SUGCT: variants seen among roughly 807,000 people sequenced by gnomAD.
SUGCT encodes succinyl-CoA:glutarate-CoA transferase.
Under a neutral mutation model 55.0 loss-of-function variants are expected in SUGCT, and 41 were observed. The observed-to-expected ratio is 0.74, with a 90% confidence interval of 0.58 to 0.97. The LOEUF is 0.97. SUGCT is among the 50% of genes least tolerant of loss of function. The pLI is 0.00. For synonymous variants in SUGCT, 187 were observed against 200.4 expected, an observed-to-expected ratio of 0.93 and a Z score of 0.56; for missense variants, 568 against 547.8, an observed-to-expected ratio of 1.04 and a Z score of -0.37.
the SUGCT span, among the ~76,000 whole-genome samples, chr7:40,899,493 C>T: frequency 2.0e-5 from 3 of 152,100 alleles, no homozygotes; most frequent in South Asian, 6.2e-4. Flanking sequence ...GCAACGCACA[C>T]GCTGAGACAG....
the SUGCT span, among the ~76,000 whole-genome samples, chr7:40,934,681 G>T: frequency 2.2e-3 from 328 of 149,666 alleles, 1 homozygote; most frequent in African/African-American, 6.9e-3. Flanking sequence ...GCTGCAGCTT[G>T]CAGGTCGATC....
chr7:40,935,222 AGTCTGTCT>A, the SUGCT span, among the ~76,000 whole-genome samples: 1 of 152,198 alleles, frequency 6.6e-6, no homozygotes, highest in Non-Finnish European at 1.5e-5. Context: ...TAATTTTGGC[AGTCTGTCT>A]AATTTTTTAA....
intron 13 of SUGCT, among the ~76,000 whole-genome samples, chr7:40,755,970 G>C (rs1788233423): frequency 6.6e-6 from 1 of 152,156 alleles, no homozygotes; most frequent in Admixed American, 6.5e-5. Flanking sequence ...TAACTAGTGG[G>C]TGTTGGATGC....
intron 9 of SUGCT, among the ~76,000 whole-genome samples, chr7:40,413,389 A>G (rs1178358227): frequency 1.3e-5 from 2 of 152,158 alleles, no homozygotes; most frequent in African/African-American, 4.8e-5. Context: ...CCCTACTTCA[A>G]TGGGGAAAGT....
the SUGCT span, among the ~76,000 whole-genome samples, chr7:41,009,766 G>C: frequency 6.6e-6 from 1 of 152,126 alleles, no homozygotes. Context: ...AAAAGCTATA[G>C]TACAATGTTT....
chr7:40,540,461 A>G (rs1487976394), intron 12 of SUGCT, among the ~76,000 whole-genome samples: 3 of 152,234 alleles, frequency 2.0e-5, no homozygotes, highest in African/African-American at 7.2e-5. Context: ...AGCTTTTATG[A>G]TACACATCAA....
At position 40,638,925 on chromosome 7, in the gene SUGCT, A is replaced by G. The variant is rs866521994; in HGVS notation, c.1090-110509A>G. 2.6e-5 allele frequency among the ~76,000 whole-genome samples: 4 copies of G among 152,338 alleles called. 1 individual carries two copies. The Middle Eastern group carries it at 0.014, about 518-fold the overall frequency. The stretch of plus-strand genomic sequence containing the variant: ...TTTAAGAACCCATCCAGTACCTCTA[A>G]TCTAATTATTCTACCTGGCCCTGCT... On this transcript the variant is annotated intron_variant, in intron 12 of 13. Transcript: ENST00000335693.
chr7:40,781,819 C>T (rs1789765845), intron 13 of SUGCT, among the ~76,000 whole-genome samples: 3 of 152,028 alleles, frequency 2.0e-5, no homozygotes, highest in Admixed American at 2.0e-4. Context: ...AATGGTTATC[C>T]CTGTTTTCAT....
chr7:40,386,972 G>A (rs1426371461), intron 9 of SUGCT, among the ~76,000 whole-genome samples: 1 of 152,072 alleles, frequency 6.6e-6, no homozygotes, highest in Non-Finnish European at 1.5e-5. Flanking sequence ...TCACACCAAT[G>A]CAGTGGCTTC....
chr7:40,232,323 G>C (rs1192422554), intron 6 of SUGCT, among the ~76,000 whole-genome samples: 1 of 152,146 alleles, frequency 6.6e-6, no homozygotes, highest in African/African-American at 2.4e-5. Flanking sequence ...TTTGATAATT[G>C]AGGTTCTCCA....
intron 11 of SUGCT, among the ~76,000 whole-genome samples, chr7:40,478,197 G>T (rs1790813820): frequency 6.6e-6 from 1 of 151,932 alleles, no homozygotes; most frequent in Non-Finnish European, 1.5e-5. Flanking sequence ...CCAGAGACAG[G>T]GTCTTGCTTT....
At chr7:40,924,686 A>T in the SUGCT span, among the ~76,000 whole-genome samples, 15 of 152,040 alleles carry the variant, frequency 9.9e-5, no homozygotes, top group African/African-American at 3.6e-4. Flanking sequence ...AGACACTCTT[A>T]AACATGGAGG....
intron 6 of SUGCT, chr7:40,217,667 G>C: frequency 5.1e-6 from 1 of 194,390 alleles, no homozygotes; most frequent in Non-Finnish European, 1.1e-5. Flanking sequence ...TGTAGAAACA[G>C]AAAAGTGGAT....
chr7:41,025,405 T>C, the SUGCT span, among the ~76,000 whole-genome samples: 1 of 152,058 alleles, frequency 6.6e-6, no homozygotes, highest in African/African-American at 2.4e-5. Flanking sequence ...AGTTTCGCTC[T>C]GTCACCCAGG....
At chr7:40,466,131 T>C (rs1790097187) in intron 11 of SUGCT, among the ~76,000 whole-genome samples, 1 of 152,180 alleles carries the variant, frequency 6.6e-6, no homozygotes, top group Admixed American at 6.5e-5. Context: ...GTTCTTGAAC[T>C]CCTGGCCTCA....
chr7:40,582,947 G>A (rs1797182483), intron 12 of SUGCT, among the ~76,000 whole-genome samples: 1 of 152,122 alleles, frequency 6.6e-6, no homozygotes, highest in African/African-American at 2.4e-5. Context: ...ATTTTCATAA[G>A]CAATTTTGGA....
intron 9 of SUGCT, among the ~76,000 whole-genome samples, chr7:40,349,924 A>G (rs1797526244): frequency 6.6e-6 from 1 of 152,110 alleles, no homozygotes; most frequent in East Asian, 1.9e-4. Flanking sequence ...TTGAGCTCAA[A>G]CAATCCTCCT....
chr7:40,974,484 A>G, the SUGCT span, among the ~76,000 whole-genome samples: 1 of 152,228 alleles, frequency 6.6e-6, no homozygotes, highest in Non-Finnish European at 1.5e-5. Context: ...TCCACAAGTT[A>G]AGACAAGAGC....
At chr7:40,346,573 C>A (rs11771964) in intron 9 of SUGCT, among the ~76,000 whole-genome samples, 108,815 of 151,996 alleles carry the variant, frequency 0.72, 39,353 homozygotes, top group East Asian at 0.99. Context: ...ATGACAATAA[C>A]ATAACATCTA....
Sources: allele counts gnomAD v4.1 joint callset (sites outside exome capture counted in the v4.1 genomes callset), GRCh38; gene constraint gnomAD v4.1.1; transcripts MANE v1.5; gene names NCBI Gene and HGNC (gene_info 2026-07-23, HGNC 2026-07-21).